The following TSEN2 variants were observed in gnomAD, a reference collection of about 807,000 sequenced individuals.
The protein encoded by TSEN2 is tRNA splicing endonuclease subunit 2, also known as tRNA-splicing endonuclease subunit Sen2.
In TSEN2, 54 loss-of-function variants were observed where a neutral mutation model predicts 59.2. The ratio of observed to expected loss-of-function variants is 0.91; its 90% CI spans 0.73 to 1.14. The LOEUF (loss-of-function observed/expected upper bound fraction) is 1.14. Ranked by LOEUF, TSEN2 falls within the 50% of genes most tolerant of loss-of-function variation. The pLI, the probability that TSEN2 is intolerant of heterozygous loss-of-function variation, is 0.00. For synonymous variants in TSEN2, 195 were observed against 198.2 expected, an observed-to-expected ratio of 0.98 and a Z score of 0.14; for missense variants, 636 against 576.2, an observed-to-expected ratio of 1.10 and a Z score of -1.06.
In TSEN2 at chr3:12,484,686, T is replaced by A. The variant is rs1482532213; in HGVS notation, c.-212T>A. On this transcript the variant is annotated 5_prime_UTR_variant, in exon 1 of 12. Coordinates refer to ENST00000284995, the MANE Select transcript of TSEN2 (RefSeq NM_025265.4). Reference sequence around the variant, plus strand: ...CAGTGCCGGGACGGGGAGCCAGGCTTCCGAGTGCGCCCGGTCACTGACTCC... The same window carrying A: ...CAGTGCCGGGACGGGGAGCCAGGCTACCGAGTGCGCCCGGTCACTGACTCC... 6.6e-6 allele frequency: 1 copy of A among 152,292 alleles called. No individual in the cohort carries two copies. The highest frequency in any genetic ancestry group is 2.4e-5 in the African/African-American group (1 of 41,460). The allele number at this position is 152,292 out of a possible 1,614,324, so 9.4% of individuals were successfully genotyped here. A position where few individuals can be genotyped will look rare whatever the true frequency, so the allele number is the denominator to read the frequency against.
chr3:12,485,408 G>T lies in TSEN2; in HGVS notation c.-18+528G>T, dbSNP rs536581224. On this transcript the variant is annotated intron_variant, in intron 1 of 11. Coordinates refer to ENST00000284995, the MANE Select transcript of TSEN2 (RefSeq NM_025265.4). ...GAATATGCAGCTCTGGAGTCAGGTT[G>T]CGCAGGTTGGGGAAATAAGAAGTAA... Among the ~76,000 whole-genome samples the T allele has an allele frequency of 2.0e-3, 289 of 147,966 alleles. 3 individuals are homozygous for T. Among genetic ancestry groups the T allele is most frequent in the African/African-American group, 7.0e-3 (280 of 40,020 alleles).
chr3:12,482,099 A>G (rs1378708817), upstream of TSEN2, among the ~76,000 whole-genome samples: 1 of 152,152 alleles, frequency 6.6e-6, no homozygotes, highest in Non-Finnish European at 1.5e-5. Flanking sequence ...GAAATGAGAT[A>G]CCAAAGGTTG....
chr3:12,536,099 T>A (rs1052956874), downstream of TSEN2, among the ~76,000 whole-genome samples: 1 of 152,114 alleles, frequency 6.6e-6, no homozygotes, highest in Non-Finnish European at 1.5e-5. Flanking sequence ...GCAAAGCCTA[T>A]TTTATGCCCT....
chr3:12,519,011 T>G, intron 7 of TSEN2, 48 bp from the exon 8 acceptor site: 1 of 1,600,742 alleles, frequency 6.2e-7, no homozygotes, highest in Non-Finnish European at 8.5e-7. Flanking sequence ...GAACGGAGAG[T>G]GAATGCATAC....
At chr3:12,515,871 CCT>C (rs1491267511) in intron 6 of TSEN2, among the ~76,000 whole-genome samples, 2 of 151,436 alleles carry the variant, frequency 1.3e-5, no homozygotes, top group African/African-American at 4.9e-5. Flanking sequence ...ACTTTTCACA[CCT>C]TTTTTTTTTG....
chr3:12,501,024 A>C (rs2054234116), intron 4 of TSEN2, among the ~76,000 whole-genome samples: 1 of 152,216 alleles, frequency 6.6e-6, no homozygotes, highest in South Asian at 2.1e-4. Context: ...TTGTCACAAA[A>C]ATTTGTGTTC....
chr3:12,533,095 T>G lies in TSEN2; in HGVS notation c.*374T>G, dbSNP rs963053251. On this transcript the variant is annotated 3_prime_UTR_variant, in exon 12 of 12. Coordinates refer to ENST00000284995, the MANE Select transcript of TSEN2 (RefSeq NM_025265.4). The stretch of plus-strand genomic sequence containing the variant: ...ATGGTAGTAGTTTACATTTATACAG[T>G]ACAGTTTATGAAGCACTTTCATACG... 6.2e-6 allele frequency: 2 copies of G among 321,702 alleles called. No homozygotes were observed. Among genetic ancestry groups the G allele is most frequent in the Admixed American group, 9.2e-5 (2 of 21,852 alleles). 19.9% of individuals were successfully genotyped at this position (321,702 alleles called of 1,614,324 possible). A position where few individuals can be genotyped will look rare whatever the true frequency, so the allele number is the denominator to read the frequency against.
chr3:12,501,904 A>G (rs1012290937), intron 4 of TSEN2, among the ~76,000 whole-genome samples: 1 of 152,234 alleles, frequency 6.6e-6, no homozygotes, highest in African/African-American at 2.4e-5. Context: ...AACACATCCC[A>G]ACAGCCTAGG....
At chr3:12,537,380 C>T (rs1465966110), downstream of TSEN2, among the ~76,000 whole-genome samples, 1 of 152,068 alleles carries the variant, frequency 6.6e-6, no homozygotes, top group Non-Finnish European at 1.5e-5. Flanking sequence ...GCCTGGGCAA[C>T]AGAGGAAGAC....
intron 8 of TSEN2, among the ~76,000 whole-genome samples, chr3:12,525,148 G>A (rs938750738): frequency 6.6e-6 from 1 of 152,118 alleles, no homozygotes; most frequent in African/African-American, 2.4e-5. Flanking sequence ...ATGTCTGATT[G>A]TTCCTGATGA....
intron 8 of TSEN2, among the ~76,000 whole-genome samples, chr3:12,520,872 T>C (rs756745176): frequency 6.6e-6 from 1 of 152,190 alleles, no homozygotes; most frequent in South Asian, 2.1e-4. Flanking sequence ...TTGTACAGAT[T>C]ATTTGATCAC....
chr3:12,534,086 A>G (rs1257731808), downstream of TSEN2, among the ~76,000 whole-genome samples: 2 of 152,150 alleles, frequency 1.3e-5, no homozygotes, highest in Non-Finnish European at 2.9e-5. Flanking sequence ...TATCCTAAAA[A>G]TTGCATGCAG....
chr3:12,516,715 C>G (rs756698565), intron 7 of TSEN2, 54 bp downstream of exon 7: 1 of 1,498,264 alleles, frequency 6.7e-7, no homozygotes, highest in Non-Finnish European at 9.3e-7. Flanking sequence ...TTGTTAAAAG[C>G]AGGTTGTACT....
At chr3:12,488,044 TTC>T (rs1198461169) in intron 1 of TSEN2, among the ~76,000 whole-genome samples, 3 of 152,216 alleles carry the variant, frequency 2.0e-5, no homozygotes, top group African/African-American at 7.2e-5. Context: ...GTCTGTGTTT[TTC>T]TGTGTCCTCA....
At chr3:12,487,862 A>T (rs547931288) in intron 1 of TSEN2, among the ~76,000 whole-genome samples, 48 of 152,326 alleles carry the variant, frequency 3.2e-4, no homozygotes, top group African/African-American at 1.1e-3. Flanking sequence ...TAAATATAAA[A>T]TGTACAAAGT....
At chr3:12,506,731 C>G (rs977099471) in intron 6 of TSEN2, 24 of 985,330 alleles carry the variant, frequency 2.4e-5, no homozygotes, top group Non-Finnish European at 2.9e-5. Context: ...GTCTTTTCTG[C>G]CTTTGAAGCT....
At position 12,516,444 on chromosome 3, in the gene TSEN2, A is replaced by G. The variant is rs1699352; in HGVS notation, c.910-167A>G. Among the ~76,000 whole-genome samples the G allele has an allele frequency of 0.24, 12,263 of 51,488 alleles. 612 individuals are homozygous for G. The highest frequency in any genetic ancestry group is 0.28 in the African/African-American group (3,204 of 11,530). The allele number at this position is 51,488 out of a possible 152,430, so 33.8% of individuals were successfully genotyped here. A position where few individuals can be genotyped will look rare whatever the true frequency, so the allele number is the denominator to read the frequency against. ...CGTTTCAAAAACAAACAAACAAAATATATGTGTGTGTGTGTGTGTGTGTGT... is the reference window on the plus strand; with the variant it reads ...CGTTTCAAAAACAAACAAACAAAATGTATGTGTGTGTGTGTGTGTGTGTGT... On this transcript the variant is annotated intron_variant, in intron 6 of 11. Coordinates refer to ENST00000284995, the MANE Select transcript of TSEN2 (RefSeq NM_025265.4).
At chr3:12,529,512 T>TG (rs1360088142) in intron 9 of TSEN2, among the ~76,000 whole-genome samples, 1 of 152,052 alleles carries the variant, frequency 6.6e-6, no homozygotes, top group African/African-American at 2.4e-5. Flanking sequence ...CCTAAACAGT[T>TG]GTGTGAATTT....
At chr3:12,522,975 T>G (rs1317289616) in intron 8 of TSEN2, among the ~76,000 whole-genome samples, 1 of 152,190 alleles carries the variant, frequency 6.6e-6, no homozygotes, top group Non-Finnish European at 1.5e-5. Flanking sequence ...TTTCATTTAA[T>G]CTTCACACTC....
Sources: allele counts gnomAD v4.1 joint callset (sites outside exome capture counted in the v4.1 genomes callset), GRCh38; gene constraint gnomAD v4.1.1; transcripts MANE v1.5; gene names NCBI Gene and HGNC (gene_info 2026-07-23, HGNC 2026-07-21).